Variants in CELF4 observed in about 807,000 individuals in gnomAD.
CELF4 encodes the protein CUGBP Elav-like family member 4.
Under a neutral mutation model 59.9 loss-of-function variants are expected in CELF4, and 18 were observed. The ratio of observed to expected loss-of-function variants is 0.30; its 90% CI spans 0.21 to 0.45. CELF4 has a LOEUF of 0.45. Ranked by LOEUF, CELF4 falls within the 20% of genes least tolerant of loss-of-function variation. CELF4 has a pLI of 1.00. For synonymous variants in CELF4, 261 were observed against 267.1 expected, an observed-to-expected ratio of 0.98 and a Z score of 0.22; for missense variants, 456 against 689.0, an observed-to-expected ratio of 0.66 and a Z score of 3.79.
At chr18:37,302,716 C>T (rs1277693769) in intron 3 of CELF4, among the ~76,000 whole-genome samples, 3 of 152,260 alleles carry the variant, frequency 2.0e-5, no homozygotes, top group African/African-American at 7.2e-5. Context: ...GAGCCTGAAG[C>T]TTTATTAGGG....
At chr18:37,465,962 G>A (rs2099807232) in intron 2 of CELF4, among the ~76,000 whole-genome samples, 1 of 152,166 alleles carries the variant, frequency 6.6e-6, no homozygotes, top group East Asian at 1.9e-4. Flanking sequence ...TTGTTTGATA[G>A]CACCAGGGAG....
Position 37,399,756 on chromosome 18 carries a change from C to T in CELF4, c.370-77875G>A, listed in dbSNP as rs559998008. Among the ~76,000 whole-genome samples, 127 of 152,346 alleles carry T rather than the reference C, an allele frequency of 8.3e-4. 1 individual carries two copies. The highest frequency in any genetic ancestry group is 2.6e-3 in the African/African-American group (110 of 41,584). Reference sequence around the variant, plus strand: ...TTGGTTCACGTGGCAGGTGAGCCTACTGTGGTCCTGATTCAGTAAGACGCT... The same window carrying T: ...TTGGTTCACGTGGCAGGTGAGCCTATTGTGGTCCTGATTCAGTAAGACGCT... On this transcript the variant is annotated intron_variant, in intron 2 of 12. Coordinates refer to ENST00000420428, the MANE Select transcript of CELF4 (RefSeq NM_020180.4).
intron 1 of CELF4, among the ~76,000 whole-genome samples, chr18:37,513,189 C>A (rs1479507630): frequency 1.3e-5 from 2 of 152,220 alleles, no homozygotes; most frequent in Admixed American, 6.5e-5. Context: ...GCCCTTTGTT[C>A]CCTGCCTCAA....
chr18:37,334,767 TCAATCTTA>T lies in CELF4; in HGVS notation c.370-12894_370-12887del, dbSNP rs1349367775. On this transcript the variant is annotated intron_variant, in intron 2 of 12. Coordinates refer to ENST00000420428, the MANE Select transcript of CELF4 (RefSeq NM_020180.4). ...TTCTCTCTCCTGTGGCTCCCGGGCC[TCAATCTTA>T]GGCCTGGAGAGAGCAGGAAAGAGTC... Among the ~76,000 whole-genome samples the T allele has an allele frequency of 2.0e-5, 3 of 151,630 alleles. No homozygotes were observed. The East Asian group carries it at 5.9e-4, about 30-fold the overall frequency.
At chr18:37,334,325 T>C (rs2097683650) in intron 2 of CELF4, among the ~76,000 whole-genome samples, 1 of 152,182 alleles carries the variant, frequency 6.6e-6, no homozygotes, top group Admixed American at 6.5e-5. Context: ...TCAGTGTCTT[T>C]CTTCTAAACT....
chr18:37,557,708 G>A (rs1453838019), intron 1 of CELF4, among the ~76,000 whole-genome samples: 1 of 152,148 alleles, frequency 6.6e-6, no homozygotes, highest in Non-Finnish European at 1.5e-5. Context: ...CTTGTAGGAA[G>A]CCAGTTCATT....
intron 1 of CELF4, among the ~76,000 whole-genome samples, chr18:37,553,041 A>G (rs897062519): frequency 2.0e-5 from 3 of 152,266 alleles, no homozygotes; most frequent in Non-Finnish European, 4.4e-5. Context: ...GCCGGGTCCC[A>G]GGCTTCGCCG....
At chr18:37,278,053 C>T (rs2093613877) in intron 3 of CELF4, among the ~76,000 whole-genome samples, 1 of 152,190 alleles carries the variant, frequency 6.6e-6, no homozygotes, top group Admixed American at 6.5e-5. Context: ...CCACATGTGC[C>T]TTTCTATCCA....
chr18:37,400,611 C>A (rs1569568803), intron 2 of CELF4, among the ~76,000 whole-genome samples: 1 of 152,216 alleles, frequency 6.6e-6, no homozygotes, highest in Non-Finnish European at 1.5e-5. Flanking sequence ...AAAATACATT[C>A]TCTTCTTCTT....
At chr18:37,464,307 G>A (rs1412344402) in intron 2 of CELF4, among the ~76,000 whole-genome samples, 1 of 152,080 alleles carries the variant, frequency 6.6e-6, no homozygotes, top group Non-Finnish European at 1.5e-5. Context: ...AATGTAGATC[G>A]CATCTGTACA....
At chr18:37,361,964 C>A (rs1158310576) in intron 2 of CELF4, among the ~76,000 whole-genome samples, 1 of 152,100 alleles carries the variant, frequency 6.6e-6, no homozygotes, top group Non-Finnish European at 1.5e-5. Context: ...GCACTGAGGC[C>A]AGGCCAAGAG....
intron 2 of CELF4, among the ~76,000 whole-genome samples, chr18:37,330,681 T>G (rs1219815639): frequency 6.6e-6 from 1 of 152,198 alleles, no homozygotes; most frequent in Non-Finnish European, 1.5e-5. Context: ...CAGGAGGTAC[T>G]GACCAAATGA....
intron 7 of CELF4, among the ~76,000 whole-genome samples, chr18:37,271,573 A>G (rs2091309274): frequency 6.6e-6 from 1 of 152,124 alleles, no homozygotes; most frequent in Non-Finnish European, 1.5e-5. Context: ...AGTCTTTTTC[A>G]GTGCTCTTAC....
At chr18:37,319,029 C>G (rs778816115) in intron 3 of CELF4, among the ~76,000 whole-genome samples, 1 of 152,234 alleles carries the variant, frequency 6.6e-6, no homozygotes, top group Non-Finnish European at 1.5e-5. Context: ...CTGGCTGCCC[C>G]CGCCTGGGGG....
chr18:37,283,065 G>T (rs1462821072), intron 3 of CELF4, among the ~76,000 whole-genome samples: 1 of 152,118 alleles, frequency 6.6e-6, no homozygotes, highest in African/African-American at 2.4e-5. Flanking sequence ...CCCCAAGGAG[G>T]CAGTGCTGGC....
intron 2 of CELF4, among the ~76,000 whole-genome samples, chr18:37,423,528 G>A (rs2154594293): frequency 6.6e-6 from 1 of 152,208 alleles, no homozygotes; most frequent in African/African-American, 2.4e-5. Context: ...GGAGAGCAGG[G>A]GTGACTGTCC....
intron 10 of CELF4, among the ~76,000 whole-genome samples, chr18:37,259,762 C>T (rs2073112801): frequency 6.6e-6 from 1 of 152,166 alleles, no homozygotes; most frequent in Non-Finnish European, 1.5e-5. Flanking sequence ...GATTGGGGTG[C>T]CCATCCTCCC....
chr18:37,453,077 T>G (rs983272317), intron 2 of CELF4, among the ~76,000 whole-genome samples: 5 of 152,272 alleles, frequency 3.3e-5, no homozygotes, highest in Non-Finnish European at 5.9e-5. Flanking sequence ...AATATGCTTC[T>G]ACATCTGGCC....
intron 1 of CELF4, among the ~76,000 whole-genome samples, chr18:37,499,073 T>C (rs2099928505): frequency 6.6e-6 from 1 of 152,228 alleles, no homozygotes. Context: ...GACCTGTGTG[T>C]GTTCTTTGGT....
Sources: allele counts gnomAD v4.1 joint callset (sites outside exome capture counted in the v4.1 genomes callset), GRCh38; gene constraint gnomAD v4.1.1; transcripts MANE v1.5; gene names NCBI Gene and HGNC (gene_info 2026-07-23, HGNC 2026-07-21).